FNBP1: variants seen among roughly 807,000 people sequenced by gnomAD.
The protein encoded by FNBP1 is formin-binding protein 1.
A neutral mutation model predicts 90.6 loss-of-function variants in FNBP1; 26 were observed. The ratio of observed to expected loss-of-function variants is 0.29; its 90% CI spans 0.21 to 0.40. The LOEUF is 0.40. Among genes scored for constraint, FNBP1 ranks in the 10% least tolerant of loss-of-function variants. The pLI is 1.00. For missense variants in FNBP1, 635 were observed against 768.0 expected (o/e 0.83, Z 2.05); for synonymous variants, 260 against 265.2 (o/e 0.98, Z 0.19).
chr9:129,916,593 G>A (rs1427091969), intron 10 of FNBP1, among the ~76,000 whole-genome samples: 1 of 148,842 alleles, frequency 6.7e-6, no homozygotes, highest in Non-Finnish European at 1.5e-5. Flanking sequence ...TCCAGCCTGG[G>A]CAACAAGAGT....
chr9:129,956,571 T>C (rs1240566470), intron 6 of FNBP1, among the ~76,000 whole-genome samples: 1 of 152,188 alleles, frequency 6.6e-6, no homozygotes, highest in Non-Finnish European at 1.5e-5. Context: ...AGAGAAAAGC[T>C]TTTGAGAGGA....
intron 1 of FNBP1, among the ~76,000 whole-genome samples, chr9:129,997,135 G>A (rs1305696347): frequency 6.6e-6 from 1 of 151,932 alleles, no homozygotes; most frequent in Non-Finnish European, 1.5e-5. Context: ...GACCAGCCTG[G>A]ACAACATGGT....
At chr9:129,914,755 G>GTGTGTATATATATATA (rs71499203) in intron 11 of FNBP1, among the ~76,000 whole-genome samples, 17 of 98,430 alleles carry the variant, frequency 1.7e-4, no homozygotes, top group Non-Finnish European at 3.5e-4. Flanking sequence ...ACATACATAT[G>GTGTGTATATATATATA]TCTATATATA....
upstream of FNBP1, chr9:130,045,042 C>T (rs1410373414): frequency 6.6e-6 from 1 of 152,090 alleles, no homozygotes; most frequent in East Asian, 1.9e-4. Context: ...ACTCTACTTC[C>T]TTTGTTGGGC....
At chr9:130,025,336 C>T (rs899376761) in intron 1 of FNBP1, among the ~76,000 whole-genome samples, 4 of 152,166 alleles carry the variant, frequency 2.6e-5, no homozygotes, top group East Asian at 3.8e-4. Flanking sequence ...CTCCTGTTAA[C>T]ATTAGCATTT....
intron 1 of FNBP1, among the ~76,000 whole-genome samples, chr9:130,035,207 C>T (rs901088042): frequency 9.9e-5 from 15 of 152,202 alleles, no homozygotes; most frequent in African/African-American, 3.6e-4. Context: ...TTAGGGTCCA[C>T]CTCATCTTTT....
At chr9:130,039,665 A>T (rs2132391746) in intron 1 of FNBP1, among the ~76,000 whole-genome samples, 1 of 128,064 alleles carries the variant, frequency 7.8e-6, no homozygotes, top group South Asian at 2.8e-4. Context: ...AACAAGAGCG[A>T]AGCTTTGTCT....
chr9:129,998,979 C>T (rs540445732), intron 1 of FNBP1, among the ~76,000 whole-genome samples: 1 of 152,254 alleles, frequency 6.6e-6, no homozygotes, highest in African/African-American at 2.4e-5. Flanking sequence ...TAGCAGAGTT[C>T]TTTTGATGCT....
chr9:129,994,197 T>C (rs1017386589), intron 2 of FNBP1, among the ~76,000 whole-genome samples: 2 of 152,228 alleles, frequency 1.3e-5, no homozygotes, highest in African/African-American at 4.8e-5. Context: ...GGATGAGTTC[T>C]GGTGCATTCA....
Position 129,890,585 on chromosome 9 carries a change from TAGAGA to T in FNBP1, c.1847-44_1847-40del. On this transcript the variant is annotated intron_variant, in intron 16 of 16. Coordinates refer to ENST00000446176, the MANE Select transcript of FNBP1 (RefSeq NM_015033.3). This position sits in a 1 kb window ranked among gnomAD's most constrained non-coding sequence, Gnocchi z 5.8. ...AGAAACAGAAAGAGAAACTCTCTGT[TAGAGA>T]GGAAGGCGCGGGTTCCAGGCGGGCA... is the stretch of plus-strand genomic sequence containing the variant. The T allele has an allele frequency of 6.4e-7, 1 of 1,559,866 alleles. No individual in the cohort carries two copies. Among genetic ancestry groups the T allele is most frequent in the Admixed American group, 1.9e-5 (1 of 52,702 alleles).
At chr9:129,895,677 C>T (rs576400832) in intron 16 of FNBP1, 161 bp downstream of exon 16, 15 of 1,284,852 alleles carry the variant, frequency 1.2e-5, no homozygotes, top group African/African-American at 3.1e-5. Flanking sequence ...TTCAGGTGCC[C>T]AGACCCTGAA....
intron 1 of FNBP1, among the ~76,000 whole-genome samples, chr9:130,002,508 C>G (rs1030002508): frequency 7.9e-5 from 12 of 152,118 alleles, no homozygotes; most frequent in African/African-American, 2.9e-4. Flanking sequence ...AAGAGCCCAG[C>G]ACCTCCCCCC....
chr9:130,043,136 G>A lies in FNBP1; in HGVS notation c.-161C>T, dbSNP rs1015430014. ...GCTCCTCGCCCGGGGTCTCCTCGGC[G>A]GCTCCTCCTCCCCGCCGCTCCACAG... On this transcript the variant is annotated 5_prime_UTR_variant, in exon 1 of 17. Transcript: ENST00000446176. 3.7e-5 allele frequency: 19 copies of A among 511,744 alleles called. No individual in the cohort carries two copies. The highest frequency in any genetic ancestry group is 5.4e-5 in the Non-Finnish European group (18 of 333,932). 31.7% of individuals were successfully genotyped at this position (511,744 alleles called of 1,614,324 possible). A position where few individuals can be genotyped will look rare whatever the true frequency, so the allele number is the denominator to read the frequency against.
intron 4 of FNBP1, among the ~76,000 whole-genome samples, chr9:129,959,944 T>G (rs768414027): frequency 1.3e-5 from 2 of 152,124 alleles, no homozygotes; most frequent in Non-Finnish European, 2.9e-5. Flanking sequence ...GTTCATTATC[T>G]CCTCATATCC....
At chr9:129,926,674 G>A (rs546089780) in intron 8 of FNBP1, among the ~76,000 whole-genome samples, 8 of 152,090 alleles carry the variant, frequency 5.3e-5, no homozygotes, top group African/African-American at 1.9e-4. Context: ...ATTACCTGAG[G>A]TCAGGAGTTC....
chr9:130,043,721 C>T (rs1028456020), upstream of FNBP1, among the ~76,000 whole-genome samples: 1 of 152,202 alleles, frequency 6.6e-6, no homozygotes, highest in Non-Finnish European at 1.5e-5. Context: ...GCGCGACGGC[C>T]TCGAGTGGCT....
intron 6 of FNBP1, among the ~76,000 whole-genome samples, chr9:129,930,150 T>C (rs1410497147): frequency 1.3e-5 from 2 of 151,664 alleles, no homozygotes; most frequent in African/African-American, 4.8e-5. Context: ...AGCCTCAACC[T>C]CCTGGGTTCA....
intron 1 of FNBP1, among the ~76,000 whole-genome samples, chr9:130,029,536 G>C (rs113500466): frequency 8.6e-4 from 131 of 152,292 alleles, no homozygotes; most frequent in African/African-American, 3.1e-3. Context: ...GTCAGTAGCT[G>C]ACTGGGTAAG....
intron 2 of FNBP1, among the ~76,000 whole-genome samples, chr9:129,984,424 C>T (rs1478951314): frequency 2.0e-5 from 3 of 152,172 alleles, no homozygotes; most frequent in African/African-American, 4.8e-5. Context: ...CGTCCACAAA[C>T]CCTGAAAATC....
Sources: gnomAD v4.1 joint callset for allele counts (sites outside exome capture counted in the v4.1 genomes callset) on GRCh38, gnomAD v4.1.1 for gene constraint, Gnocchi (gnomAD v3.1) non-coding constraint, MANE v1.5 for transcripts, NCBI Gene and HGNC (gene_info 2026-07-23, HGNC 2026-07-21) for gene names.